The following FMN1 variants were observed in gnomAD, a reference collection of about 807,000 sequenced individuals.
The protein encoded by FMN1 is formin-1.
Under a neutral mutation model 132.4 loss-of-function variants are expected in FMN1, and 110 were observed. That is an observed-to-expected ratio of 0.83 (90% CI 0.71 to 0.97). The LOEUF (loss-of-function observed/expected upper bound fraction) is 0.97, where lower values mean the gene tolerates loss of function less well. Among genes scored for constraint, FMN1 ranks in the 50% least tolerant of loss-of-function variants. The pLI, the probability that FMN1 is intolerant of heterozygous loss-of-function variation, is 0.00. For missense variants in FMN1, 1,792 were observed against 1,705.3 expected (o/e 1.05, Z -0.90); for synonymous variants, 722 against 651.7 (o/e 1.11, Z -1.64).
chr15:32,837,378 G>A (rs1286206395), intron 17 of FMN1: 2 of 155,310 alleles, frequency 1.3e-5, no homozygotes, highest in African/African-American at 4.8e-5. Flanking sequence ...GCGGCTCCTG[G>A]GGGTGGCGGT....
At chr15:32,874,185 C>A (rs1170539035) in intron 16 of FMN1, among the ~76,000 whole-genome samples, 1 of 151,836 alleles carries the variant, frequency 6.6e-6, no homozygotes, top group African/African-American at 2.4e-5. Context: ...CCACGCCCAG[C>A]TAATTTTTTG....
rs1555388954 is a variant in FMN1, at chr15:33,048,644, A to AAACAAAAAC, written c.2161+16312_2161+16313insGTTTTTGTT. On this transcript the variant is annotated intron_variant, in intron 6 of 20. Coordinates refer to ENST00000616417, the MANE Select transcript of FMN1 (RefSeq NM_001277313.2). ...TGGGCAATTTACCAAAAAAAAAAAA[A>AAACAAAAAC]AAAAACCAACAGTTTAATGGACTTA... Among the ~76,000 whole-genome samples the AAACAAAAAC allele has an allele frequency of 3.1e-3, 271 of 86,946 alleles. 39 individuals are homozygous for AAACAAAAAC. Among genetic ancestry groups the AAACAAAAAC allele is most frequent in the African/African-American group, 0.01 (250 of 24,342 alleles). 57.0% of individuals were successfully genotyped at this position (86,946 alleles called of 152,430 possible).
intron 9 of FMN1, among the ~76,000 whole-genome samples, chr15:32,928,305 T>C (rs559524729): frequency 1.9e-4 from 29 of 152,008 alleles, no homozygotes; most frequent in Non-Finnish European, 3.4e-4. Context: ...ACTCAGTAAT[T>C]TTTTATATGA....
At chr15:33,055,067 T>C (rs946069948) in intron 6 of FMN1, among the ~76,000 whole-genome samples, 16 of 152,168 alleles carry the variant, frequency 1.1e-4, no homozygotes, top group Non-Finnish European at 2.2e-4. Context: ...AAGTGGGGAT[T>C]GGACAATGCC....
At chr15:32,896,031 C>A (rs1030452475) in intron 15 of FMN1, among the ~76,000 whole-genome samples, 1 of 151,992 alleles carries the variant, frequency 6.6e-6, no homozygotes, top group African/African-American at 2.4e-5. Flanking sequence ...TTTATTTCTA[C>A]ATTTATCTCT....
chr15:32,896,647 G>A lies in FMN1; in HGVS notation c.3714+2187C>T, dbSNP rs1391678642. ...TTGACTACTTTAGATACTTATTTAA[G>A]TGGAATCATGCAGTATTTGCCCTTC... On this transcript the variant is annotated intron_variant, in intron 15 of 20. Coordinates refer to ENST00000616417, the MANE Select transcript of FMN1 (RefSeq NM_001277313.2). Among the ~76,000 whole-genome samples the A allele has an allele frequency of 2.6e-5, 4 of 151,980 alleles. No individual in the cohort carries two copies. In the East Asian group the frequency reaches 7.7e-4, roughly 29 times the overall value.
rs550998168 is a variant in FMN1, at chr15:32,963,191, T to C, written c.3138+916A>G. Among the ~76,000 whole-genome samples, 521 of 151,324 alleles carry C rather than the reference T, an allele frequency of 3.4e-3. 5 individuals are homozygous for C. Among genetic ancestry groups the C allele is most frequent in the African/African-American group, 0.012 (509 of 41,086 alleles). ...AAAAATGATGAGTTCACGTCCTTTG[T>C]AGGGACATGGATGAAATTGGAAATC... On this transcript the variant is annotated intron_variant, in intron 9 of 20. Coordinates refer to ENST00000616417, the MANE Select transcript of FMN1 (RefSeq NM_001277313.2).
chr15:33,047,173 G>T (rs1201039356), intron 6 of FMN1, among the ~76,000 whole-genome samples: 1 of 152,140 alleles, frequency 6.6e-6, no homozygotes, highest in East Asian at 1.9e-4. Context: ...TTTACCATTT[G>T]CTGATTCTTT....
At chr15:32,835,170 T>C (rs979676910) in intron 17 of FMN1, among the ~76,000 whole-genome samples, 2 of 152,160 alleles carry the variant, frequency 1.3e-5, no homozygotes, top group South Asian at 4.2e-4. Context: ...GACACAGGGA[T>C]GTCACCCAGC....
chr15:33,004,347 GA>G (rs1251738321), intron 7 of FMN1, among the ~76,000 whole-genome samples: 1 of 151,902 alleles, frequency 6.6e-6, no homozygotes, highest in Non-Finnish European at 1.5e-5. Flanking sequence ...AAATTTACAA[GA>G]AAAAAACAAC....
At chr15:33,145,614 T>C (rs2140263092) in intron 4 of FMN1, among the ~76,000 whole-genome samples, 1 of 151,712 alleles carries the variant, frequency 6.6e-6, no homozygotes, top group South Asian at 2.1e-4. Flanking sequence ...TGGTAGCCGC[T>C]ACCCTCGGAT....
At chr15:33,060,271 G>A (rs141363176) in intron 6 of FMN1, among the ~76,000 whole-genome samples, 145 of 152,310 alleles carry the variant, frequency 9.5e-4, no homozygotes, top group African/African-American at 3.1e-3. Flanking sequence ...GCTGACTAAC[G>A]CAGCCTGTTA....
At chr15:33,104,945 T>C (rs345778) in intron 4 of FMN1, among the ~76,000 whole-genome samples, 15,983 of 152,118 alleles carry the variant, frequency 0.11, 891 homozygotes, top group Middle Eastern at 0.13. Flanking sequence ...ATTTCTGTGA[T>C]AAGCAATAAG....
chr15:33,018,000 G>A (rs886283231), intron 6 of FMN1, among the ~76,000 whole-genome samples: 5 of 151,372 alleles, frequency 3.3e-5, no homozygotes, highest in South Asian at 4.2e-4. Flanking sequence ...AGGAGGTGGA[G>A]GTTGCAGTGA....
At chr15:32,877,020 T>C (rs1355094025) in intron 16 of FMN1, among the ~76,000 whole-genome samples, 1 of 152,216 alleles carries the variant, frequency 6.6e-6, no homozygotes. Context: ...GCATGGTGGC[T>C]CATGCCTGTA....
In FMN1 at chr15:33,077,011, A is replaced by C. The variant is rs538253200; in HGVS notation, c.2043+11788T>G. The stretch of plus-strand genomic sequence containing the variant: ...CACTAAAATTGCAAAGGAGAAGGTA[A>C]GTCAGGCATTGCCACAGCTATGATC... On this transcript the variant is annotated intron_variant, in intron 5 of 20. Transcript: ENST00000616417. Among the ~76,000 whole-genome samples the C allele has an allele frequency of 1.1e-4, 16 of 152,314 alleles. No homozygotes were observed. The South Asian group carries it at 3.1e-3, about 30-fold the overall frequency.
chr15:33,009,635 G>C (rs556092575), intron 6 of FMN1, among the ~76,000 whole-genome samples: 2 of 152,226 alleles, frequency 1.3e-5, no homozygotes, highest in African/African-American at 4.8e-5. Flanking sequence ...ATTATTCTAA[G>C]TCTTACTTTA....
At chr15:33,107,026 C>G (rs1219805369) in intron 4 of FMN1, among the ~76,000 whole-genome samples, 14 of 152,054 alleles carry the variant, frequency 9.2e-5, no homozygotes, top group Admixed American at 8.5e-4. Context: ...CATTGCTTGG[C>G]TAATACTCAT....
intron 9 of FMN1, among the ~76,000 whole-genome samples, chr15:32,930,552 G>T (rs1316611852): frequency 1.3e-5 from 2 of 151,984 alleles, no homozygotes; most frequent in Non-Finnish European, 2.9e-5. Flanking sequence ...CTTTTTTGGA[G>T]AAATGTTTGG....
Sources: allele counts gnomAD v4.1 joint callset (sites outside exome capture counted in the v4.1 genomes callset), GRCh38; gene constraint gnomAD v4.1.1; transcripts MANE v1.5; gene names NCBI Gene and HGNC (gene_info 2026-07-23, HGNC 2026-07-21).